The following RAB15 variants were observed in gnomAD, a reference collection of about 807,000 sequenced individuals.
RAB15 encodes RAB15, member RAS oncogene family.
In RAB15, 13 loss-of-function variants were observed where a neutral mutation model predicts 31.8. That is an observed-to-expected ratio of 0.41 (90% confidence interval 0.27 to 0.65). RAB15 has a LOEUF of 0.65. RAB15 is among the 30% of genes least tolerant of loss of function. The probability of loss-of-function intolerance (pLI) is 0.32; values close to 1 mark genes in which losing one functional copy is unlikely to be tolerated. For missense variants in RAB15, 220 were observed against 277.3 expected, an observed-to-expected ratio of 0.79 and a Z score of 1.47; for synonymous variants, 100 against 105.6, an observed-to-expected ratio of 0.95 and a Z score of 0.33.
At position 64,952,615 on chromosome 14, in the gene RAB15, G is replaced by A. The variant is rs772312514; in HGVS notation, c.125-44C>T. On this transcript the variant is annotated intron_variant, in intron 1 of 6. Coordinates refer to ENST00000533601, the MANE Select transcript of RAB15 (RefSeq NM_001308154.2). This position sits in a 1 kb window ranked among gnomAD's most constrained non-coding sequence, Gnocchi z 4.2. ...AAAGAAAGTTAGAAAGCGTACCCAC[G>A]AGAAATGAACAGGAAAGGGCCAGGC... 6.2e-6 allele frequency: 9 copies of A among 1,444,064 alleles called. No individual in the cohort carries two copies. The highest frequency in any genetic ancestry group is 1.7e-4 in the Middle Eastern group (1 of 5,724). The allele number at this position is 1,444,064 out of a possible 1,614,324, so 89.5% of individuals were successfully genotyped here. A position where few individuals can be genotyped will look rare whatever the true frequency, so the allele number is the denominator to read the frequency against.
chr14:64,965,845 C>G (rs549054615), intron 1 of RAB15, among the ~76,000 whole-genome samples: 1 of 152,120 alleles, frequency 6.6e-6, no homozygotes, highest in African/African-American at 2.4e-5. Flanking sequence ...GGTGCATCTG[C>G]GGATCTGTGG....
chr14:64,950,244 C>A lies in RAB15; in HGVS notation c.414+81G>T. 1.7e-6 allele frequency: 2 copies of A among 1,180,448 alleles called. No individual in the cohort carries two copies. The highest frequency in any genetic ancestry group is 2.5e-6 in the Non-Finnish European group (2 of 788,046). The allele number at this position is 1,180,448 out of a possible 1,614,324, so 73.1% of individuals were successfully genotyped here. A position where few individuals can be genotyped will look rare whatever the true frequency, so the allele number is the denominator to read the frequency against. The stretch of plus-strand genomic sequence containing the variant: ...GGAGGACCTGCCACTGGGGAACACA[C>A]CCCTAGGTCCCCACGCTCAGGACTG... On this transcript the variant is annotated intron_variant, in intron 5 of 6. Coordinates refer to ENST00000533601, the MANE Select transcript of RAB15 (RefSeq NM_001308154.2). The surrounding 1 kb of genome is among the most constrained non-coding windows in gnomAD (Gnocchi z 5.6).
chr14:64,954,639 T>A lies in RAB15; in HGVS notation c.125-2068A>T. On this transcript the variant is annotated intron_variant, in intron 1 of 6. Coordinates refer to ENST00000533601, the MANE Select transcript of RAB15 (RefSeq NM_001308154.2). The surrounding 1 kb of genome is among the most constrained non-coding windows in gnomAD (Gnocchi z 4.3). ...ACATGGCCCCTGCCCTCAGAGAGCC[T>A]AGTGGAAAGGAAACAAGGGCTCAGA... 1 of 593,032 alleles carries A rather than the reference T, an allele frequency of 1.7e-6. No homozygotes were observed. The highest frequency in any genetic ancestry group is 2.1e-6 in the Non-Finnish European group (1 of 471,742). 36.7% of individuals were successfully genotyped at this position (593,032 alleles called of 1,614,324 possible).
In RAB15 at chr14:64,954,395, CCTT is replaced by C. The variant is rs1411954085; in HGVS notation, c.125-1827_125-1825del. The C allele has an allele frequency of 1.7e-5, 17 of 985,312 alleles. No individual in the cohort carries two copies. Among genetic ancestry groups the C allele is most frequent in the Non-Finnish European group, 2.0e-5 (17 of 829,928 alleles). 61.0% of individuals were successfully genotyped at this position (985,312 alleles called of 1,614,324 possible). A position where few individuals can be genotyped will look rare whatever the true frequency, so the allele number is the denominator to read the frequency against. ...GACATTCTTGTTTCATGATACAGCA[CCTT>C]CTTCCAAGAAGAACGAGAAATTTTC... On this transcript the variant is annotated intron_variant, in intron 1 of 6. Coordinates refer to ENST00000533601, the MANE Select transcript of RAB15 (RefSeq NM_001308154.2). This position sits in a 1 kb window ranked among gnomAD's most constrained non-coding sequence, Gnocchi z 4.3.
chr14:64,966,717 G>A (rs1024919689), intron 1 of RAB15, among the ~76,000 whole-genome samples: 3 of 152,162 alleles, frequency 2.0e-5, no homozygotes, highest in Non-Finnish European at 2.9e-5. Flanking sequence ...TCATCAAAGT[G>A]TCTGAAGGTC....
chr14:64,963,529 T>G (rs1433355937), intron 1 of RAB15, among the ~76,000 whole-genome samples: 2 of 152,128 alleles, frequency 1.3e-5, no homozygotes, highest in Non-Finnish European at 2.9e-5. Flanking sequence ...TACTGACCAC[T>G]CACTCCTCCA....
In RAB15 at chr14:64,971,102, C is replaced by A. The variant is rs533009807; in HGVS notation, c.124+851G>T. On this transcript the variant is annotated intron_variant, in intron 1 of 6. Coordinates refer to ENST00000533601, the MANE Select transcript of RAB15 (RefSeq NM_001308154.2). The surrounding 1 kb of genome is among the most constrained non-coding windows in gnomAD (Gnocchi z 4.1). ...TGAAATTCCCTCTACTCAGACTTCTCAGGGAGGGGGCCCCTCACAGCCTAG... is the reference window on the plus strand; with the variant it reads ...TGAAATTCCCTCTACTCAGACTTCTAAGGGAGGGGGCCCCTCACAGCCTAG... Among the ~76,000 whole-genome samples, 53 of 152,310 alleles carry A rather than the reference C, an allele frequency of 3.5e-4. No individual in the cohort carries two copies. The highest frequency in any genetic ancestry group is 1.3e-3 in the African/African-American group (52 of 41,582).
At chr14:64,966,614 T>C (rs2140001135) in intron 1 of RAB15, among the ~76,000 whole-genome samples, 1 of 152,322 alleles carries the variant, frequency 6.6e-6, no homozygotes. Context: ...AAGTGCTTTA[T>C]ATGCGCTAGG....
chr14:64,949,700 G>C (rs1247136310), intron 5 of RAB15, among the ~76,000 whole-genome samples: 1 of 147,760 alleles, frequency 6.8e-6, no homozygotes, highest in Non-Finnish European at 1.5e-5. Flanking sequence ...TCTAGCCTGG[G>C]TGACAGAGCG....
At chr14:64,949,756 A>T (rs151241536) in intron 5 of RAB15, among the ~76,000 whole-genome samples, 2,229 of 151,946 alleles carry the variant, frequency 0.015, 48 homozygotes, top group Admixed American at 0.054. Flanking sequence ...AAGAAAAAAA[A>T]AATAACCAAT....
chr14:64,960,608 A>C (rs1886805176), intron 1 of RAB15, among the ~76,000 whole-genome samples: 1 of 151,912 alleles, frequency 6.6e-6, no homozygotes, highest in Admixed American at 6.6e-5. Flanking sequence ...TTTTTTTTTT[A>C]AGATTGTGAG....
In RAB15 at chr14:64,952,364, G is replaced by T. The variant is rs1024031731; in HGVS notation, c.185+147C>A. On this transcript the variant is annotated intron_variant, in intron 2 of 6. Transcript: ENST00000533601. This position sits in a 1 kb window ranked among gnomAD's most constrained non-coding sequence, Gnocchi z 4.2. ...GAGATTAAGGCTTATAGGAAGAGAT[G>T]GGCTTCTGAGACTTCGCTTCCATCC... is the stretch of plus-strand genomic sequence containing the variant. 2 of 640,296 alleles carry T rather than the reference G, an allele frequency of 3.1e-6. No individual in the cohort carries two copies. The highest frequency in any genetic ancestry group is 5.5e-6 in the Non-Finnish European group (2 of 360,558). 39.7% of individuals were successfully genotyped at this position (640,296 alleles called of 1,614,324 possible). A position where few individuals can be genotyped will look rare whatever the true frequency, so the allele number is the denominator to read the frequency against.
rs1249945078 is a variant in RAB15 at position 64,968,833 on chromosome 14, G to A, written c.124+3120C>T. On this transcript the variant is annotated intron_variant, in intron 1 of 6. Transcript: ENST00000533601. The surrounding 1 kb of genome is among the most constrained non-coding windows in gnomAD (Gnocchi z 4.9). ...ACAGCTGCACAGAAAGGAAATGCCT[G>A]TGGCAGAGCCAGTGGCAGGGCCACC... is the stretch of plus-strand genomic sequence containing the variant. 6.6e-6 allele frequency among the ~76,000 whole-genome samples: 1 copy of A among 152,224 alleles called. No homozygotes were observed. Among genetic ancestry groups the A allele is most frequent in the Non-Finnish European group, 1.5e-5 (1 of 68,038 alleles).
intron 1 of RAB15, among the ~76,000 whole-genome samples, chr14:64,963,982 G>C (rs1000535100): frequency 6.6e-6 from 1 of 152,162 alleles, no homozygotes; most frequent in Admixed American, 6.5e-5. Flanking sequence ...ATAATATTCT[G>C]CTTGTTTGGA....
intron 1 of RAB15, among the ~76,000 whole-genome samples, chr14:64,965,984 A>T (rs1472643728): frequency 1.3e-5 from 2 of 152,202 alleles, no homozygotes. Context: ...GGCCTGAGGC[A>T]GAGCGACACC....
rs767085940 is a variant in RAB15, at chr14:64,948,552, C to G, written c.481-40G>C. ...GCACAGGTTAGTCCAGTGTCTCCTC[C>G]TCTCCCCTGGCAACCCTGCAGCGGC... On this transcript the variant is annotated intron_variant, in intron 6 of 6. Transcript: ENST00000533601. The surrounding 1 kb of genome is among the most constrained non-coding windows in gnomAD (Gnocchi z 7.0). 1.2e-6 allele frequency: 2 copies of G among 1,600,542 alleles called. No homozygotes were observed. The highest frequency in any genetic ancestry group is 2.2e-5 in the South Asian group (2 of 88,944).
At chr14:64,957,418 TAC>T (rs1886637139) in intron 1 of RAB15, among the ~76,000 whole-genome samples, 1 of 152,048 alleles carries the variant, frequency 6.6e-6, no homozygotes, top group Non-Finnish European at 1.5e-5. Flanking sequence ...TGGAAGGCAT[TAC>T]AGAGTCCTGG....
rs1263507276 is a variant in RAB15, at chr14:64,955,118, A to C, written c.125-2547T>G. ...CACACACCCCACCATCTTGCAACCT[A>C]GGTCTCACTGGCCACCTGGGAACAT... On this transcript the variant is annotated intron_variant, in intron 1 of 6. Transcript: ENST00000533601. This position sits in a 1 kb window ranked among gnomAD's most constrained non-coding sequence, Gnocchi z 4.4. Among the ~76,000 whole-genome samples, 1 of 152,066 alleles carries C rather than the reference A, an allele frequency of 6.6e-6. No homozygotes were observed. Among genetic ancestry groups the C allele is most frequent in the African/African-American group, 2.4e-5 (1 of 41,386 alleles).
chr14:64,957,522 C>T (rs1886641261), intron 1 of RAB15, among the ~76,000 whole-genome samples: 1 of 152,200 alleles, frequency 6.6e-6, no homozygotes, highest in African/African-American at 2.4e-5. Context: ...AGGACTCGCC[C>T]AGCCCTACTC....
Sources: gnomAD v4.1 joint callset for allele counts (sites outside exome capture counted in the v4.1 genomes callset) on GRCh38, gnomAD v4.1.1 for gene constraint, Gnocchi (gnomAD v3.1) non-coding constraint, MANE v1.5 for transcripts, NCBI Gene and HGNC (gene_info 2026-07-23, HGNC 2026-07-21) for gene names.